The following ADCY7 variants were observed in gnomAD, a reference collection of about 807,000 sequenced individuals.
ADCY7 encodes the protein adenylate cyclase type 7.
A neutral mutation model predicts 120.6 loss-of-function variants in ADCY7; 72 were observed. The ratio of observed to expected loss-of-function variants is 0.60; its 90% confidence interval spans 0.49 to 0.73. The LOEUF (loss-of-function observed/expected upper bound fraction) is 0.73. Among genes scored for constraint, ADCY7 ranks in the 30% least tolerant of loss-of-function variants. The pLI, the probability that ADCY7 is intolerant of heterozygous loss-of-function variation, is 0.00. For synonymous variants in ADCY7, 661 were observed against 628.0 expected (o/e 1.05, Z -0.78); for missense variants, 1,227 against 1,486.0 (o/e 0.83, Z 2.87).
intron 17 of ADCY7, chr16:50,309,302 G>GC: frequency 2.0e-6 from 1 of 489,480 alleles, no homozygotes; most frequent in South Asian, 3.1e-5. Context: ...GTTGGTCCCG[G>GC]CCCCTCCCCC....
chr16:50,266,012 A>G (rs1162498356), upstream of ADCY7, among the ~76,000 whole-genome samples: 1 of 152,176 alleles, frequency 6.6e-6, no homozygotes, highest in Non-Finnish European at 1.5e-5. Flanking sequence ...AGGAGCCCCA[A>G]GGATGGGCCT....
chr16:50,263,435 C>G (rs1036057697), upstream of ADCY7, among the ~76,000 whole-genome samples: 23 of 152,058 alleles, frequency 1.5e-4, no homozygotes, highest in African/African-American at 5.6e-4. Context: ...GGGCGGGCAG[C>G]CTGGGAGGGC....
rs370188137 is a variant in ADCY7, at chr16:50,290,540, C to T, written c.255C>T (p.Val85=). ...VFAALSVLMY[V]ECLLRRWLRA... ...CGGCCCTCTCTGTGCTGATGTACGT[C>T]GAGTGTCTCCTGCGGCGCTGGCTCA... Residue 85 remains valine, a synonymous_variant, in exon 3 of 26, where the codon GTC becomes GTT. Coordinates refer to ENST00000673801, the MANE Select transcript of ADCY7 (RefSeq NM_001114.5). 2.2e-5 allele frequency: 36 copies of T among 1,614,194 alleles called. 1 individual carries two copies. The highest frequency in any genetic ancestry group is 1.6e-4 in the South Asian group (15 of 91,086).
rs779511197 is a variant in ADCY7, at chr16:50,292,833, C to A, written c.687+8C>A. The A allele has an allele frequency of 1.9e-6, 3 of 1,612,392 alleles. No homozygotes were observed. Among genetic ancestry groups the A allele is most frequent in the South Asian group, 1.1e-5 (1 of 91,042 alleles). ...ATCGAGAAGCGCCAGCAGGTGGGAC[C>A]CGGCCCCCACTCCTCACCCTGTACA... On this transcript the variant is annotated splice_region_variant and intron_variant, in intron 5 of 25. Coordinates refer to ENST00000673801, the MANE Select transcript of ADCY7 (RefSeq NM_001114.5).
intron 1 of ADCY7, among the ~76,000 whole-genome samples, chr16:50,277,788 A>G (rs2033992857): frequency 6.7e-6 from 1 of 149,930 alleles, no homozygotes; most frequent in Non-Finnish European, 1.5e-5. Flanking sequence ...ATCCTGCCTC[A>G]GCCTCCTGAG....
At chr16:50,291,578 GCTTTT>G (rs2034963561) in intron 3 of ADCY7, among the ~76,000 whole-genome samples, 153 bp from the exon 4 acceptor site, 1 of 152,298 alleles carries the variant, frequency 6.6e-6, no homozygotes, top group African/African-American at 2.4e-5. Flanking sequence ...ACACATTATG[GCTTTT>G]CTTGTTCCCT....
intron 5 of ADCY7, 22 bp from the exon 6 acceptor site, chr16:50,293,332 T>C: frequency 2.5e-6 from 4 of 1,609,028 alleles, no homozygotes; most frequent in Non-Finnish European, 3.4e-6. Flanking sequence ...GTCCCTCTGC[T>C]GGTCTGCCCA....
At chr16:50,279,541 A>G (rs2034122036) in intron 1 of ADCY7, 1 of 152,206 alleles carries the variant, frequency 6.6e-6, no homozygotes, top group Non-Finnish European at 1.5e-5. Context: ...GTTGATAAAC[A>G]CTGTTGCCTG....
rs2036766634 is a variant in ADCY7, at chr16:50,315,605, C to T, written c.*100C>T. The T allele has an allele frequency of 9.7e-6, 14 of 1,445,702 alleles. No individual in the cohort carries two copies. In the South Asian group the frequency reaches 1.7e-4, roughly 17 times the overall value. 89.6% of individuals were successfully genotyped at this position (1,445,702 alleles called of 1,614,324 possible). A position where few individuals can be genotyped will look rare whatever the true frequency, so the allele number is the denominator to read the frequency against. On this transcript the variant is annotated 3_prime_UTR_variant, in exon 26 of 26. Coordinates refer to ENST00000673801, the MANE Select transcript of ADCY7 (RefSeq NM_001114.5). ...GCCCCACGCCAATCCCAAAGGCATG[C>T]AGATGGCTGTGCATGTTGGCTTCTT...
At chr16:50,252,516 T>C (rs1360812669) in intron 1 of ADCY7, among the ~76,000 whole-genome samples, 1 of 150,868 alleles carries the variant, frequency 6.6e-6, no homozygotes, top group Non-Finnish European at 1.5e-5. Flanking sequence ...GGGTAGGCAT[T>C]GTTTGTGTGC....
chr16:50,314,780 C>T lies in ADCY7; in HGVS notation c.2972-234C>T, dbSNP rs748849870. 5 of 528,766 alleles carry T rather than the reference C, an allele frequency of 9.5e-6. No individual in the cohort carries two copies. In the East Asian group the frequency reaches 1.2e-4, roughly 13 times the overall value. 32.8% of individuals were successfully genotyped at this position (528,766 alleles called of 1,614,324 possible). A position where few individuals can be genotyped will look rare whatever the true frequency, so the allele number is the denominator to read the frequency against. On this transcript the variant is annotated intron_variant, in intron 24 of 25. Transcript: ENST00000673801. Reference sequence around the variant, plus strand: ...TTGTTAAAAGAGAGATTAGCAGATACAAGTGTTAACATCAAACCCAGACTT... The same window carrying T: ...TTGTTAAAAGAGAGATTAGCAGATATAAGTGTTAACATCAAACCCAGACTT...
intron 1 of ADCY7, among the ~76,000 whole-genome samples, chr16:50,277,712 C>T (rs1239327878): frequency 4.7e-5 from 7 of 149,278 alleles, no homozygotes; most frequent in African/African-American, 1.7e-4. Context: ...GCTCTGTCAC[C>T]CAGGCTGGAG....
intron 4 of ADCY7, 89 bp from the exon 5 acceptor site, chr16:50,292,587 G>C (rs900560668): frequency 2.0e-6 from 3 of 1,492,966 alleles, no homozygotes; most frequent in African/African-American, 1.4e-5. Context: ...AATGGGAAGA[G>C]GTGCCATCAC....
chr16:50,298,175 G>A (rs1302809747), intron 7 of ADCY7, among the ~76,000 whole-genome samples: 2 of 152,004 alleles, frequency 1.3e-5, no homozygotes, highest in African/African-American at 4.8e-5. Flanking sequence ...CACAGCCACT[G>A]CTTGGGTGAC....
chr16:50,314,910 T>G, intron 24 of ADCY7, 104 bp from the exon 25 acceptor site: 1 of 1,479,882 alleles, frequency 6.8e-7, no homozygotes. Flanking sequence ...CTAGTTGTTT[T>G]GTCCCCGCAT....
intron 24 of ADCY7, chr16:50,314,607 C>T (rs934376734): frequency 4.8e-5 from 26 of 536,856 alleles, no homozygotes; most frequent in Non-Finnish European, 5.9e-5. Context: ...TTTAATAATA[C>T]GTAACTACAG....
intron 1 of ADCY7, among the ~76,000 whole-genome samples, chr16:50,279,170 T>A (rs576397306): frequency 1.3e-5 from 2 of 152,082 alleles, no homozygotes; most frequent in Non-Finnish European, 2.9e-5. Flanking sequence ...CCGTGCCAGG[T>A]CTATGGAGCT....
upstream of ADCY7, chr16:50,246,030 C>T (rs1271895080): frequency 6.6e-6 from 1 of 150,606 alleles, no homozygotes; most frequent in Non-Finnish European, 1.5e-5. Flanking sequence ...CTGGGCGCCC[C>T]CCAGCCCCCA....
In ADCY7 at chr16:50,317,644, A is replaced by G. The variant is rs1597010344; in HGVS notation, c.*2139A>G. On this transcript the variant is annotated 3_prime_UTR_variant, in exon 26 of 26. Coordinates refer to ENST00000673801, the MANE Select transcript of ADCY7 (RefSeq NM_001114.5). ...TAATAGTTTGTAAGTAAAAGTTTTT[A>G]GTTTTCAGTGTTCAGGTTATAGAAT... 6.6e-6 allele frequency: 1 copy of G among 152,358 alleles called. No homozygotes were observed. Among genetic ancestry groups the G allele is most frequent in the Non-Finnish European group, 1.5e-5 (1 of 68,032 alleles). 9.4% of individuals were successfully genotyped at this position (152,358 alleles called of 1,614,324 possible).
Sources: gnomAD v4.1 joint callset for allele counts (sites outside exome capture counted in the v4.1 genomes callset) on GRCh38, gnomAD v4.1.1 for gene constraint, MANE v1.5 for transcripts, NCBI Gene and HGNC (gene_info 2026-07-23, HGNC 2026-07-21) for gene names.